LTBP1: variants seen among roughly 807,000 people sequenced by gnomAD.
LTBP1 encodes the protein latent-transforming growth factor beta-binding protein 1.
Under a neutral mutation model 207.6 loss-of-function variants are expected in LTBP1, and 129 were observed. The observed-to-expected ratio is 0.62, with a 90% CI of 0.54 to 0.72. LTBP1 has a LOEUF of 0.72. Among genes scored for constraint, LTBP1 ranks in the 30% least tolerant of loss-of-function variants. LTBP1 has a pLI of 0.00. For missense variants in LTBP1, 2,281 were observed against 2,217.2 expected, an observed-to-expected ratio of 1.03 and a Z score of -0.58; for synonymous variants, 963 against 833.7, an observed-to-expected ratio of 1.16 and a Z score of -2.67.
In LTBP1 at chr2:32,970,921, A is replaced by G. The variant is rs115491671; in HGVS notation, c.565+21976A>G. Among the ~76,000 whole-genome samples, 1,275 of 149,740 alleles carry G rather than the reference A, an allele frequency of 8.5e-3. 9 individuals carry two copies. The highest frequency in any genetic ancestry group is 0.021 in the Middle Eastern group (6 of 290). On this transcript the variant is annotated intron_variant, in intron 2 of 33. Transcript: ENST00000404816. ...TTTTTTTTTCCATTTGTTTGTGTCAATTGTTATTTCTTTCAGCAGTGTTTT... is the reference window on the plus strand; with the variant it reads ...TTTTTTTTTCCATTTGTTTGTGTCAGTTGTTATTTCTTTCAGCAGTGTTTT...
intron 19 of LTBP1, among the ~76,000 whole-genome samples, chr2:33,289,323 C>T (rs2093728743): frequency 6.6e-6 from 1 of 152,166 alleles, no homozygotes; most frequent in South Asian, 2.1e-4. Context: ...CTCAAAAGCC[C>T]ATTGGTAAAT....
chr2:33,312,779 T>C (rs948400536), intron 23 of LTBP1, among the ~76,000 whole-genome samples: 2 of 152,164 alleles, frequency 1.3e-5, no homozygotes, highest in Non-Finnish European at 2.9e-5. Flanking sequence ...TGAAAAAACT[T>C]TGTGCACATT....
intron 33 of LTBP1, 152 bp downstream of exon 33, chr2:33,397,434 C>T (rs899266418): frequency 1.1e-5 from 7 of 633,962 alleles, no homozygotes; most frequent in Non-Finnish European, 1.9e-5. Flanking sequence ...TATGAATATA[C>T]TTAATGCCAC....
intron 5 of LTBP1, among the ~76,000 whole-genome samples, chr2:33,152,163 TA>T (rs1212320128): frequency 6.6e-6 from 1 of 152,050 alleles, no homozygotes; most frequent in Non-Finnish European, 1.5e-5. Flanking sequence ...CTTCACACTC[TA>T]TACATCTGAC....
At chr2:33,184,711 A>G (rs542832188) in intron 5 of LTBP1, among the ~76,000 whole-genome samples, 3 of 150,490 alleles carry the variant, frequency 2.0e-5, no homozygotes, top group African/African-American at 7.3e-5. Flanking sequence ...TGAATCTTCT[A>G]TACCATGAGG....
intron 5 of LTBP1, among the ~76,000 whole-genome samples, chr2:33,167,327 A>T (rs1023733763): frequency 6.6e-6 from 1 of 152,094 alleles, no homozygotes; most frequent in African/African-American, 2.4e-5. Context: ...CTTCCCAATT[A>T]AAAAAAGTTT....
chr2:33,258,274 A>C (rs2092916047), intron 12 of LTBP1, among the ~76,000 whole-genome samples: 1 of 152,218 alleles, frequency 6.6e-6, no homozygotes, highest in Admixed American at 6.5e-5. Context: ...AGAAGGAACA[A>C]ACCTTTTGGA....
chr2:33,276,857 A>G (rs1021554903), intron 18 of LTBP1, among the ~76,000 whole-genome samples: 14 of 152,046 alleles, frequency 9.2e-5, no homozygotes, highest in Non-Finnish European at 1.3e-4. Flanking sequence ...TCTCCAAAAA[A>G]CAAAGCAAAA....
At chr2:33,057,697 C>T (rs914558794) in intron 3 of LTBP1, among the ~76,000 whole-genome samples, 2 of 152,242 alleles carry the variant, frequency 1.3e-5, no homozygotes, top group Non-Finnish European at 2.9e-5. Flanking sequence ...TGCCCGGGGC[C>T]GGCACGGCTG....
rs1222821915 is a variant in LTBP1 at position 33,305,931 on chromosome 2, T to C, written c.3482-3503T>C. Among the ~76,000 whole-genome samples, 5 of 152,212 alleles carry C rather than the reference T, an allele frequency of 3.3e-5. No homozygotes were observed. The East Asian group carries it at 7.7e-4, about 23-fold the overall frequency. ...TTTTTAGCAAGCTGGAAGTAGTTGG[T>C]GACCTCAACAAGCTCAGTCTTGGTA... On this transcript the variant is annotated intron_variant, in intron 22 of 33. Transcript: ENST00000404816.
At chr2:33,004,337 T>C (rs1686463727) in intron 2 of LTBP1, among the ~76,000 whole-genome samples, 1 of 152,150 alleles carries the variant, frequency 6.6e-6, no homozygotes, top group Non-Finnish European at 1.5e-5. Flanking sequence ...AGTTTGTATT[T>C]GTCCTCACAG....
chr2:33,262,681 C>CTTT, intron 13 of LTBP1, 41 bp from the exon 14 acceptor site: 3 of 967,948 alleles, frequency 3.1e-6, no homozygotes, highest in South Asian at 3.3e-5. Context: ...ACTTTCAATT[C>CTTT]TTTTTTTTTT....
intron 2 of LTBP1, among the ~76,000 whole-genome samples, chr2:33,016,541 T>TG (rs1688404981): frequency 6.6e-6 from 1 of 152,070 alleles, no homozygotes; most frequent in Non-Finnish European, 1.5e-5. Flanking sequence ...GGCCTGGGTT[T>TG]GGGGAGTTTT....
intron 23 of LTBP1, among the ~76,000 whole-genome samples, chr2:33,311,000 C>T (rs1477704392): frequency 6.6e-6 from 1 of 152,068 alleles, no homozygotes; most frequent in Non-Finnish European, 1.5e-5. Context: ...GTTGGAGTTA[C>T]TTTTTACCCA....
intron 5 of LTBP1, among the ~76,000 whole-genome samples, chr2:33,158,968 A>G (rs966666494): frequency 6.6e-6 from 1 of 152,226 alleles, no homozygotes; most frequent in Non-Finnish European, 1.5e-5. Flanking sequence ...GCAATAGGAA[A>G]CACAGTTCTT....
chr2:33,284,788 A>G (rs772333230), intron 19 of LTBP1, among the ~76,000 whole-genome samples: 3 of 152,210 alleles, frequency 2.0e-5, no homozygotes, highest in African/African-American at 4.8e-5. Context: ...TTTGGGCTAC[A>G]TGACCTCTCT....
Position 33,187,156 on chromosome 2 carries a change from G to A in LTBP1, c.1426+76G>A, listed in dbSNP as rs76241135. On this transcript the variant is annotated intron_variant, in intron 6 of 33. Transcript: ENST00000404816. The stretch of plus-strand genomic sequence containing the variant: ...ACCCACATAGAAGTCAAGGATCTGC[G>A]GGTGGCCAGGGCTGGTATTGAAACA... The A allele has an allele frequency of 0.021, 26,902 of 1,289,526 alleles. 344 individuals carry two copies. Among genetic ancestry groups the A allele is most frequent in the East Asian group, 0.042 (1,739 of 41,134 alleles). The allele number at this position is 1,289,526 out of a possible 1,614,324, so 79.9% of individuals were successfully genotyped here. A position where few individuals can be genotyped will look rare whatever the true frequency, so the allele number is the denominator to read the frequency against.
At chr2:33,218,055 A>G (rs112918982) in intron 8 of LTBP1, among the ~76,000 whole-genome samples, 58 of 152,358 alleles carry the variant, frequency 3.8e-4, no homozygotes, top group African/African-American at 1.3e-3. Context: ...ATTAATGTCC[A>G]CAACTTATGT....
chr2:32,981,695 G>C (rs1682785640), intron 2 of LTBP1, among the ~76,000 whole-genome samples: 1 of 152,154 alleles, frequency 6.6e-6, no homozygotes, highest in Non-Finnish European at 1.5e-5. Flanking sequence ...TGTCATGAGA[G>C]GGACCTGGTG....
Sources: allele counts gnomAD v4.1 joint callset (sites outside exome capture counted in the v4.1 genomes callset), GRCh38; gene constraint gnomAD v4.1.1; transcripts MANE v1.5; gene names NCBI Gene and HGNC (gene_info 2026-07-23, HGNC 2026-07-21).